Variants in STAB2 observed in about 807,000 individuals in gnomAD.
STAB2 encodes the protein stabilin-2.
Under a neutral mutation model 338.1 loss-of-function variants are expected in STAB2, and 288 were observed. That is an observed-to-expected ratio of 0.85 (90% CI 0.77 to 0.94). The LOEUF (loss-of-function observed/expected upper bound fraction) is 0.94, where lower values mean the gene tolerates loss of function less well. Among genes scored for constraint, STAB2 ranks in the 40% least tolerant of loss-of-function variants. The pLI, the probability that STAB2 is intolerant of heterozygous loss-of-function variation, is 0.00. For synonymous variants in STAB2, 1,202 were observed against 1,193.3 expected, an observed-to-expected ratio of 1.01 and a Z score of -0.15; for missense variants, 3,141 against 3,210.1, an observed-to-expected ratio of 0.98 and a Z score of 0.52.
At chr12:103,743,407 T>G (rs905755140) in intron 56 of STAB2, among the ~76,000 whole-genome samples, 2 of 152,002 alleles carry the variant, frequency 1.3e-5, no homozygotes, top group East Asian at 3.8e-4. Flanking sequence ...AGACACAAAT[T>G]TTTCTAAAAA....
intron 5 of STAB2, among the ~76,000 whole-genome samples, chr12:103,628,895 C>T (rs1957419122): frequency 6.6e-6 from 1 of 152,178 alleles, no homozygotes; most frequent in East Asian, 1.9e-4. Flanking sequence ...TTGAACAAAA[C>T]ATCAAAATGC....
rs547081916 is a variant in STAB2, at chr12:103,734,238, T to C, written c.5460+1056T>C. On this transcript the variant is annotated intron_variant, in intron 51 of 68. Transcript: ENST00000388887. Reference sequence around the variant, plus strand: ...CACGATCACATAGGAGCAAACATCATAAAGGAGCAAGCATGATCACATAGG... The same window carrying C: ...CACGATCACATAGGAGCAAACATCACAAAGGAGCAAGCATGATCACATAGG... 7.8e-5 allele frequency among the ~76,000 whole-genome samples: 11 copies of C among 141,306 alleles called. No homozygotes were observed. The South Asian group carries it at 1.6e-3, about 20-fold the overall frequency. The allele number at this position is 141,306 out of a possible 152,430, so 92.7% of individuals were successfully genotyped here.
In STAB2 at chr12:103,689,415, G is replaced by A. The variant is rs149046202; in HGVS notation, c.3046-431G>A. On this transcript the variant is annotated intron_variant, in intron 28 of 68. Transcript: ENST00000388887. ...GAAGAATTGCTTGAACCTGGGAGGC[G>A]GAGGTTGCAGTGAGCTGAGATCACA... Among the ~76,000 whole-genome samples, 25 of 151,854 alleles carry A rather than the reference G, an allele frequency of 1.6e-4. No individual in the cohort carries two copies. In the East Asian group the frequency reaches 2.1e-3, roughly 13 times the overall value.
At chr12:103,626,301 C>A (rs894584953) in intron 5 of STAB2, among the ~76,000 whole-genome samples, 1 of 152,194 alleles carries the variant, frequency 6.6e-6, no homozygotes, top group Non-Finnish European at 1.5e-5. Flanking sequence ...TAAATAGCCA[C>A]ATGTGGCTCG....
intron 68 of STAB2, chr12:103,766,068 G>A (rs1884934886): frequency 1.5e-6 from 1 of 682,640 alleles, no homozygotes; most frequent in Non-Finnish European, 2.7e-6. Flanking sequence ...TTTGTCTTGG[G>A]CCACCCAGCT....
In STAB2 at chr12:103,660,763, T is replaced by C. The variant is rs1874544573; in HGVS notation, c.1869T>C (p.Asn623=). 1.2e-6 allele frequency: 2 copies of C among 1,613,962 alleles called. No individual in the cohort carries two copies. Among genetic ancestry groups the C allele is most frequent in the South Asian group, 1.1e-5 (1 of 91,046 alleles). The change falls in exon 17 of 69, where the codon AAT becomes AAC. Residue 623 remains asparagine, a splice_region_variant and synonymous_variant. Coordinates refer to ENST00000388887, the MANE Select transcript of STAB2 (RefSeq NM_017564.10). ...TCATACAGTTCAACACCACCGACAA[T>C]GTAAGTGAAAACTCAACCACCACCA... ...NQLIQFNTTD[N]GQILANDVAM...
At chr12:103,653,446 A>C (rs1458776753) in intron 12 of STAB2, among the ~76,000 whole-genome samples, 4 of 152,234 alleles carry the variant, frequency 2.6e-5, no homozygotes, top group Non-Finnish European at 5.9e-5. Context: ...CCACACAGTA[A>C]GTGCCAGAGC....
intron 23 of STAB2, among the ~76,000 whole-genome samples, chr12:103,675,667 A>G (rs1490151593): frequency 2.0e-5 from 3 of 152,362 alleles, no homozygotes; most frequent in Non-Finnish European, 4.4e-5. Flanking sequence ...CATTTTCCTC[A>G]TGAGAAATAA....
At chr12:103,647,809 T>C (rs1873446688) in intron 9 of STAB2, among the ~76,000 whole-genome samples, 1 of 152,230 alleles carries the variant, frequency 6.6e-6, no homozygotes, top group African/African-American at 2.4e-5. Flanking sequence ...TAACTCTACT[T>C]CTGTCTTATG....
intron 3 of STAB2, among the ~76,000 whole-genome samples, chr12:103,607,694 T>A (rs1284701860): frequency 6.6e-6 from 1 of 152,208 alleles, no homozygotes; most frequent in Non-Finnish European, 1.5e-5. Context: ...GCTTCATCCA[T>A]GTCCCTACAA....
chr12:103,758,787 G>A (rs896044480), intron 64 of STAB2, among the ~76,000 whole-genome samples: 13 of 152,184 alleles, frequency 8.5e-5, no homozygotes, highest in African/African-American at 3.1e-4. Context: ...GAGGATTGGC[G>A]GTATTTATTC....
chr12:103,622,156 A>G (rs1202432266), intron 5 of STAB2, 45 bp downstream of exon 5: 5 of 1,595,056 alleles, frequency 3.1e-6, no homozygotes, highest in South Asian at 1.1e-5. Flanking sequence ...AAGGGTTGAC[A>G]GTCCATGAGA....
At position 103,742,389 on chromosome 12, in the gene STAB2, G is replaced by A. The variant is rs1009647199; in HGVS notation, c.5882-16G>A. On this transcript the variant is annotated splice_polypyrimidine_tract_variant and intron_variant, in intron 55 of 68. Coordinates refer to ENST00000388887, the MANE Select transcript of STAB2 (RefSeq NM_017564.10). ...TTTGGGAGACTGTTGAGTCACTGCT[G>A]TTTCATCTCTTCCAGCCTGCCCTGG... 1.4e-5 allele frequency: 22 copies of A among 1,613,400 alleles called. No homozygotes were observed. The highest frequency in any genetic ancestry group is 1.7e-5 in the Non-Finnish European group (20 of 1,179,680).
Position 103,746,665 on chromosome 12 carries a change from T to C in STAB2, c.6205T>C (p.Cys2069Arg). ...ATCKENNTCE[C>R]NLDYEGDGIT... ...CTGTAAGGAGAACAACACGTGTGAGTGTAACCTGGATTATGAAGGTGACGG... is the reference window on the plus strand; with the variant it reads ...CTGTAAGGAGAACAACACGTGTGAGCGTAACCTGGATTATGAAGGTGACGG... Residue 2069 changes from cysteine to arginine, a missense_variant, in exon 58 of 69, where the codon TGT becomes CGT. Cys to Arg is a radical substitution (Grantham distance 180). Transcript: ENST00000388887. 6.2e-7 allele frequency: 1 copy of C among 1,614,086 alleles called. No homozygotes were observed. Among genetic ancestry groups the C allele is most frequent in the East Asian group, 2.2e-5 (1 of 44,872 alleles).
rs1370839247 is a variant in STAB2, at chr12:103,620,517, T to C, written c.381T>C (p.Ala127=). 1.9e-6 allele frequency: 3 copies of C among 1,582,038 alleles called. No homozygotes were observed. Among genetic ancestry groups the C allele is most frequent in the Non-Finnish European group, 2.6e-6 (3 of 1,162,606 alleles). The part of the protein sequence containing the change: ...GSPCNGRGSC[A]EGMEGNGTCS... ...CCTGCAATGGCAGAGGCAGTTGTGC[T>C]GAAGGCATGGAAGGAAATGGAACCT... The change falls in exon 4 of 69, where the codon GCT becomes GCC. Residue 127 remains alanine (A), a synonymous_variant. Coordinates refer to ENST00000388887, the MANE Select transcript of STAB2 (RefSeq NM_017564.10).
intron 3 of STAB2, among the ~76,000 whole-genome samples, chr12:103,596,726 T>C (rs1956880600): frequency 6.6e-6 from 1 of 152,078 alleles, no homozygotes; most frequent in Non-Finnish European, 1.5e-5. Flanking sequence ...TTCAAGATCT[T>C]TTAGCAGGTT....
intron 1 of STAB2, among the ~76,000 whole-genome samples, chr12:103,589,727 T>C (rs1264254370): frequency 6.6e-6 from 1 of 152,168 alleles, no homozygotes; most frequent in Non-Finnish European, 1.5e-5. Flanking sequence ...AAGGATATGG[T>C]TCAGCAGCCC....
At chr12:103,719,492 G>A (rs1880587691) in intron 44 of STAB2, among the ~76,000 whole-genome samples, 1 of 152,194 alleles carries the variant, frequency 6.6e-6, no homozygotes, top group Non-Finnish European at 1.5e-5. Context: ...GCAAGGATGT[G>A]CTCCCTCTGA....
intron 26 of STAB2, 45 bp downstream of exon 26, chr12:103,683,345 A>AAC: frequency 6.6e-7 from 1 of 1,510,278 alleles, no homozygotes; most frequent in Non-Finnish European, 9.0e-7. Flanking sequence ...AAAAAAAAAA[A>AAC]AACAATGCTT....
Sources: allele counts gnomAD v4.1 joint callset (sites outside exome capture counted in the v4.1 genomes callset), GRCh38; gene constraint gnomAD v4.1.1; transcripts MANE v1.5; gene names NCBI Gene and HGNC (gene_info 2026-07-23, HGNC 2026-07-21).